Variants in EPN2 observed in about 807,000 individuals in gnomAD.
EPN2 encodes epsin-2.
A neutral mutation model predicts 61.7 loss-of-function variants in EPN2; 34 were observed. The observed-to-expected ratio is 0.55, with a 90% CI of 0.42 to 0.73. EPN2 has a LOEUF of 0.73. Ranked by LOEUF, EPN2 falls within the 30% of genes least tolerant of loss-of-function variation. EPN2 has a pLI of 0.00. For synonymous variants in EPN2, 349 were observed against 353.6 expected (o/e 0.99, Z 0.15); for missense variants, 714 against 839.2 (o/e 0.85, Z 1.84).
At chr17:19,274,321 G>A (rs2045285440) in intron 1 of EPN2, 1 of 152,226 alleles carries the variant, frequency 6.6e-6, no homozygotes. Flanking sequence ...TGGGAAAGGT[G>A]GGGTGTACCC....
At chr17:19,328,620 T>C (rs1443058321) in intron 7 of EPN2, 91 bp from the exon 8 acceptor site, 3 of 1,232,836 alleles carry the variant, frequency 2.4e-6, no homozygotes, top group Non-Finnish European at 3.4e-6. Flanking sequence ...GCATAGACCC[T>C]GGTGTGGCTG....
chr17:19,275,813 G>T (rs927236694), intron 1 of EPN2, among the ~76,000 whole-genome samples: 2 of 152,194 alleles, frequency 1.3e-5, no homozygotes, highest in African/African-American at 4.8e-5. Flanking sequence ...TAGTTCTGGG[G>T]ACTAACTGTA....
At chr17:19,298,606 G>A (rs1480218280) in intron 4 of EPN2, among the ~76,000 whole-genome samples, 1 of 152,098 alleles carries the variant, frequency 6.6e-6, no homozygotes. Context: ...TGGGCACAAG[G>A]GATCTTCCCA....
chr17:19,259,958 G>T (rs370223315), intron 1 of EPN2, among the ~76,000 whole-genome samples: 18 of 152,270 alleles, frequency 1.2e-4, no homozygotes, highest in African/African-American at 3.9e-4. Flanking sequence ...CTGCCCCCTT[G>T]CACACTCCAT....
chr17:19,293,033 A>G (rs991682231), intron 4 of EPN2, among the ~76,000 whole-genome samples: 5 of 152,174 alleles, frequency 3.3e-5, no homozygotes, highest in Non-Finnish European at 7.3e-5. Flanking sequence ...TTTTAAAATT[A>G]TATGGTTCAT....
chr17:19,259,002 A>G (rs903687754), intron 1 of EPN2, among the ~76,000 whole-genome samples: 1 of 152,272 alleles, frequency 6.6e-6, no homozygotes, highest in African/African-American at 2.4e-5. Flanking sequence ...TAGAATTAAA[A>G]GGCTACTGTG....
chr17:19,329,418 GCT>G (rs1907054468), intron 8 of EPN2, 141 bp from the exon 9 acceptor site: 1 of 610,632 alleles, frequency 1.6e-6, no homozygotes, highest in South Asian at 2.4e-5. Context: ...TGCCTCTTTG[GCT>G]CTCAGAATTC....
At chr17:19,333,457 A>G (rs1231139594) in intron 10 of EPN2, among the ~76,000 whole-genome samples, 1 of 152,076 alleles carries the variant, frequency 6.6e-6, no homozygotes, top group African/African-American at 2.4e-5. Flanking sequence ...GTATGAGGTA[A>G]ATTCTGGAGA....
At chr17:19,238,158 A>T (rs2044839697) in intron 1 of EPN2, among the ~76,000 whole-genome samples, 2 of 152,284 alleles carry the variant, frequency 1.3e-5, no homozygotes, top group Admixed American at 1.3e-4. Context: ...ACGGGGGCGG[A>T]AGAGCCAGGC....
At chr17:19,238,065 C>T (rs1053269825) in intron 1 of EPN2, among the ~76,000 whole-genome samples, 1 of 152,224 alleles carries the variant, frequency 6.6e-6, no homozygotes, top group Non-Finnish European at 1.5e-5. Context: ...CTCACCTTTC[C>T]TGGGGGCTGT....
At chr17:19,315,706 A>G (rs899458764) in intron 7 of EPN2, among the ~76,000 whole-genome samples, 2 of 151,988 alleles carry the variant, frequency 1.3e-5, no homozygotes, top group African/African-American at 4.8e-5. Flanking sequence ...GCTGGTCTCA[A>G]ACTCCTGACC....
At chr17:19,288,221 A>G (rs2045424534) in intron 4 of EPN2, among the ~76,000 whole-genome samples, 1 of 152,190 alleles carries the variant, frequency 6.6e-6, no homozygotes, top group Non-Finnish European at 1.5e-5. Flanking sequence ...GTCTGCCTGC[A>G]GGCACAGCTC....
chr17:19,244,422 ACACTC>A (rs969990692), intron 1 of EPN2, among the ~76,000 whole-genome samples: 6 of 151,624 alleles, frequency 4.0e-5, no homozygotes, highest in African/African-American at 1.5e-4. Context: ...TTGTGCCACT[ACACTC>A]CAGACTGTGT....
chr17:19,260,122 C>T (rs1232314624), intron 1 of EPN2, among the ~76,000 whole-genome samples: 1 of 152,214 alleles, frequency 6.6e-6, no homozygotes, highest in Non-Finnish European at 1.5e-5. Flanking sequence ...AGCCCAGTGC[C>T]TGGCAGGTAG....
chr17:19,268,920 A>G (rs1432094858), intron 1 of EPN2, among the ~76,000 whole-genome samples: 1 of 152,182 alleles, frequency 6.6e-6, no homozygotes, highest in Non-Finnish European at 1.5e-5. Context: ...TGATACAATT[A>G]TGTTCTTTTT....
chr17:19,253,028 A>G (rs1020604833), intron 1 of EPN2, among the ~76,000 whole-genome samples: 4 of 152,152 alleles, frequency 2.6e-5, no homozygotes, highest in South Asian at 2.1e-4. Flanking sequence ...AAAGTGAACA[A>G]TTCTGTGGCA....
At chr17:19,321,517 G>C (rs1044822533) in intron 7 of EPN2, among the ~76,000 whole-genome samples, 2 of 152,178 alleles carry the variant, frequency 1.3e-5, no homozygotes, top group African/African-American at 4.8e-5. Context: ...AGACTGACTG[G>C]AAGTGGGTGA....
intron 6 of EPN2, among the ~76,000 whole-genome samples, chr17:19,312,416 G>T (rs575734535): frequency 6.6e-6 from 1 of 152,226 alleles, no homozygotes; most frequent in Non-Finnish European, 1.5e-5. Context: ...CTGTGGCTAC[G>T]GCAGCTGTCA....
Position 19,335,581 on chromosome 17 carries a change from A to C in EPN2, c.*1327A>C. ...TGGGGTGGGGGGTGCTTCTGTGCCC[A>C]CGGGTCCCTGGGCAACAGTCCCTAG... is the stretch of plus-strand genomic sequence containing the variant. On this transcript the variant is annotated 3_prime_UTR_variant, in exon 11 of 11. Coordinates refer to ENST00000314728, the MANE Select transcript of EPN2 (RefSeq NM_014964.5). 4.3e-5 allele frequency: 42 copies of C among 985,980 alleles called. No individual in the cohort carries two copies. The highest frequency in any genetic ancestry group is 2.3e-4 in the East Asian group (7 of 30,972). The allele number at this position is 985,980 out of a possible 1,614,324, so 61.1% of individuals were successfully genotyped here.
Sources: gnomAD v4.1 joint callset for allele counts (sites outside exome capture counted in the v4.1 genomes callset) on GRCh38, gnomAD v4.1.1 for gene constraint, MANE v1.5 for transcripts, NCBI Gene and HGNC (gene_info 2026-07-23, HGNC 2026-07-21) for gene names.